The following AMDHD1 variants were observed in gnomAD, a reference collection of about 807,000 sequenced individuals.
AMDHD1 encodes the protein amidohydrolase domain containing 1.
In AMDHD1, 45 loss-of-function variants were observed where a neutral mutation model predicts 44.1. The ratio of observed to expected loss-of-function variants is 1.02; its 90% CI spans 0.80 to 1.31. The LOEUF (loss-of-function observed/expected upper bound fraction) is 1.31. Among genes scored for constraint, AMDHD1 ranks in the 50% most tolerant of loss-of-function variants. AMDHD1 has a pLI of 0.00. For missense variants in AMDHD1, 586 were observed against 552.1 expected (o/e 1.06, Z -0.61); for synonymous variants, 206 against 205.0 (o/e 1.00, Z -0.04).
chr12:95,953,244 G>A (rs1321134127), intron 2 of AMDHD1, among the ~76,000 whole-genome samples: 1 of 152,172 alleles, frequency 6.6e-6, no homozygotes, highest in Non-Finnish European at 1.5e-5. Flanking sequence ...CATAGGAGAG[G>A]CTAACAAGGC....
intron 1 of AMDHD1, among the ~76,000 whole-genome samples, chr12:95,946,061 C>CTCTGTGTGTG (rs1403742643): frequency 1.3e-4 from 16 of 122,486 alleles, no homozygotes; most frequent in African/African-American, 4.0e-4. Flanking sequence ...CTCTTTCTCT[C>CTCTGTGTGTG]TGTGTGTGTG....
chr12:95,944,524 C>T (rs2080484739), intron 1 of AMDHD1, among the ~76,000 whole-genome samples: 1 of 151,916 alleles, frequency 6.6e-6, no homozygotes, highest in Non-Finnish European at 1.5e-5. Flanking sequence ...TCAAGCCATC[C>T]TCCCACCTCA....
At chr12:95,963,274 G>GGGGACATTTGGCAATGTCTC (rs2080591870) in intron 6 of AMDHD1, among the ~76,000 whole-genome samples, 1 of 152,136 alleles carries the variant, frequency 6.6e-6, no homozygotes, top group African/African-American at 2.4e-5. Flanking sequence ...TTGTCCCTCA[G>GGGGACATTTGGCAATGTCTC]GGGACATTTG....
chr12:95,967,749 T>C lies in AMDHD1; in HGVS notation c.1194-7T>C. 1 of 1,558,618 alleles carries C rather than the reference T, an allele frequency of 6.4e-7. No individual in the cohort carries two copies. The highest frequency in any genetic ancestry group is 8.6e-7 in the Non-Finnish European group (1 of 1,158,106). Reference sequence around the variant, plus strand: ...GTAATATTTGTTGTTTTTTTTTTTTTTTCTAGATGGGAGCATTTGATTTAC... The same window carrying C: ...GTAATATTTGTTGTTTTTTTTTTTTCTTCTAGATGGGAGCATTTGATTTAC... On this transcript the variant is annotated splice_region_variant and splice_polypyrimidine_tract_variant and intron_variant, in intron 8 of 8. Coordinates refer to ENST00000266736, the MANE Select transcript of AMDHD1 (RefSeq NM_152435.3).
rs750084324 is a variant in AMDHD1 at position 95,962,361 on chromosome 12, G to T, written c.820G>T (p.Ala274Ser). The T allele has an allele frequency of 6.2e-7, 1 of 1,613,480 alleles. No homozygotes were observed. Among genetic ancestry groups the T allele is most frequent in the South Asian group, 1.1e-5 (1 of 90,986 alleles). The change falls in exon 6 of 9, where the codon GCT becomes TCT. Residue 274 changes from alanine to serine, a missense_variant. Transcript: ENST00000266736. Reference protein sequence around the residue: ...LHPMKAAELGAELGAQAISHL... With the variant: ...LHPMKAAELGSELGAQAISHL... ...CTCTGCCCATTCTCCTTAGCTTGGG[G>T]CTGAACTGGGAGCGCAGGCAATCAG...
chr12:95,967,702 A>ATT, intron 8 of AMDHD1, 54 bp from the exon 9 acceptor site: 2 of 1,342,074 alleles, frequency 1.5e-6, no homozygotes, highest in Non-Finnish European at 2.0e-6. Context: ...TAAAGTAATA[A>ATT]TTTTTACTTG....
intron 4 of AMDHD1, among the ~76,000 whole-genome samples, chr12:95,957,274 T>C (rs1000969436): frequency 2.6e-5 from 4 of 152,232 alleles, no homozygotes; most frequent in Non-Finnish European, 5.9e-5. Context: ...GATAATTAAT[T>C]AGCATTTCTA....
chr12:95,963,761 G>A (rs566725559), intron 6 of AMDHD1, among the ~76,000 whole-genome samples: 5 of 152,094 alleles, frequency 3.3e-5, no homozygotes, highest in Admixed American at 2.6e-4. Context: ...TGGGCACAGT[G>A]GCTCACGCCT....
Position 95,943,545 on chromosome 12 carries a change from C to A in AMDHD1, c.137+10C>A. 1 of 1,443,250 alleles carries A rather than the reference C, an allele frequency of 6.9e-7. No homozygotes were observed. The highest frequency in any genetic ancestry group is 9.1e-7 in the Non-Finnish European group (1 of 1,100,378). The allele number at this position is 1,443,250 out of a possible 1,614,324, so 89.4% of individuals were successfully genotyped here. On this transcript the variant is annotated intron_variant, in intron 1 of 8. Coordinates refer to ENST00000266736, the MANE Select transcript of AMDHD1 (RefSeq NM_152435.3). ...GCCTGGTGGTGGGCAAGTAAGTGGC[C>A]GGGCGCGCAGGGTGGGGACCGCCAC...
At chr12:95,959,326 G>A (rs7977244) in intron 4 of AMDHD1, among the ~76,000 whole-genome samples, 4,393 of 152,320 alleles carry the variant, frequency 0.029, 229 homozygotes, top group African/African-American at 0.1. Context: ...CCATGTGGTA[G>A]AGCTCTGTGT....
At chr12:95,960,165 G>T (rs2080573621) in intron 4 of AMDHD1, among the ~76,000 whole-genome samples, 1 of 152,160 alleles carries the variant, frequency 6.6e-6, no homozygotes. Context: ...TAAACCATTT[G>T]AGTCTCTGTG....
chr12:95,966,363 C>T lies in AMDHD1; in HGVS notation c.1048C>T (p.Leu350=), dbSNP rs771943179. 1.2e-6 allele frequency: 2 copies of T among 1,614,118 alleles called. No homozygotes were observed. Among genetic ancestry groups the T allele is most frequent in the Non-Finnish European group, 8.5e-7 (1 of 1,180,062 alleles). Residue 350 remains leucine (L), a synonymous_variant, in exon 8 of 9, where the codon CTG becomes TTG. Coordinates refer to ENST00000266736, the MANE Select transcript of AMDHD1 (RefSeq NM_152435.3). The part of the protein sequence containing the change: ...YCFSMPMVMH[L]ACVNMRMSMP... ...CCTGCCTTAGCCAATGGTCATGCAT[C>T]TGGCCTGTGTAAACATGAGAATGTC...
chr12:95,945,349 A>C (rs544670028), intron 1 of AMDHD1, among the ~76,000 whole-genome samples: 1 of 152,338 alleles, frequency 6.6e-6, no homozygotes, highest in Admixed American at 6.5e-5. Context: ...AAATAAATTT[A>C]CAAGAATATT....
intron 1 of AMDHD1, among the ~76,000 whole-genome samples, chr12:95,945,546 T>C (rs548872354): frequency 5.3e-5 from 8 of 152,342 alleles, no homozygotes; most frequent in Admixed American, 5.2e-4. Flanking sequence ...TGTTTTAAGG[T>C]AAAAGTGTTT....
chr12:95,947,817 G>T (rs1592820583), intron 1 of AMDHD1, among the ~76,000 whole-genome samples: 1 of 94,126 alleles, frequency 1.1e-5, no homozygotes, highest in Non-Finnish European at 2.2e-5. Context: ...GAGGTGGGGG[G>T]GTCAGCGCCC....
At chr12:95,943,886 C>G (rs1370280249) in intron 1 of AMDHD1, among the ~76,000 whole-genome samples, 1 of 152,110 alleles carries the variant, frequency 6.6e-6, no homozygotes, top group African/African-American at 2.4e-5. Flanking sequence ...TTTATTCTTA[C>G]GGCAGATTTC....
chr12:95,965,349 T>C (rs1181512416), intron 6 of AMDHD1, among the ~76,000 whole-genome samples: 2 of 151,418 alleles, frequency 1.3e-5, no homozygotes, highest in East Asian at 3.9e-4. Flanking sequence ...TATTATTTAA[T>C]TTGGGAGTCA....
chr12:95,945,709 C>G (rs2080492180), intron 1 of AMDHD1, among the ~76,000 whole-genome samples: 1 of 151,796 alleles, frequency 6.6e-6, no homozygotes, highest in Non-Finnish European at 1.5e-5. Flanking sequence ...GAGAGGGGTA[C>G]TGATTAAAAG....
chr12:95,965,925 T>C (rs2080607967), intron 7 of AMDHD1, 146 bp downstream of exon 7: 2 of 585,928 alleles, frequency 3.4e-6, no homozygotes, highest in Admixed American at 3.6e-5. Flanking sequence ...TAGACAGCAG[T>C]GTAATTGGAT....
Sources: allele counts gnomAD v4.1 joint callset (sites outside exome capture counted in the v4.1 genomes callset), GRCh38; gene constraint gnomAD v4.1.1; transcripts MANE v1.5; gene names NCBI Gene and HGNC (gene_info 2026-07-23, HGNC 2026-07-21).